TRMT44: variants seen among roughly 807,000 people sequenced by gnomAD.
TRMT44 encodes the protein probable tRNA (uracil-O(2)-)-methyltransferase.
Under a neutral mutation model 77.3 loss-of-function variants are expected in TRMT44, and 78 were observed. The observed-to-expected ratio is 1.01, with a 90% CI of 0.84 to 1.22. The LOEUF (loss-of-function observed/expected upper bound fraction) is 1.22. TRMT44 is among the 50% of genes most tolerant of loss of function. TRMT44 has a pLI of 0.00. For missense variants in TRMT44, 1,090 were observed against 964.4 expected, an observed-to-expected ratio of 1.13 and a Z score of -1.73; for synonymous variants, 391 against 383.3, an observed-to-expected ratio of 1.02 and a Z score of -0.23.
At chr4:8,499,974 A>C in the TRMT44 span, among the ~76,000 whole-genome samples, 1 of 152,218 alleles carries the variant, frequency 6.6e-6, no homozygotes, top group Non-Finnish European at 1.5e-5. Flanking sequence ...CATGCCTGTA[A>C]TCCCATCACT....
chr4:8,496,777 A>AC (rs1553864938), downstream of TRMT44, among the ~76,000 whole-genome samples: 4 of 148,412 alleles, frequency 2.7e-5, no homozygotes. Flanking sequence ...GAGTTCAGTG[A>AC]TTTTTTTTTT....
In TRMT44 at chr4:8,444,552, G is replaced by A. The variant is rs1724946506; in HGVS notation, c.620-1924G>A. On this transcript the variant is annotated intron_variant, in intron 1 of 10. Coordinates refer to ENST00000389737, the MANE Select transcript of TRMT44 (RefSeq NM_152544.3). This position sits in a 1 kb window ranked among gnomAD's most constrained non-coding sequence, Gnocchi z 4.0. ...AGCTGGGATTACAGGCATGTGCCAC[G>A]ACGCCCAGCTAATTTTTGTATTTTT... Among the ~76,000 whole-genome samples the A allele has an allele frequency of 6.6e-6, 1 of 151,960 alleles. No homozygotes were observed. Among genetic ancestry groups the A allele is most frequent in the African/African-American group, 2.4e-5 (1 of 41,344 alleles).
intron 2 of TRMT44, among the ~76,000 whole-genome samples, chr4:8,449,446 A>G (rs889218674): frequency 1.3e-5 from 2 of 152,218 alleles, no homozygotes; most frequent in African/African-American, 4.8e-5. Flanking sequence ...CGCAGTGTGT[A>G]AATATATCCT....
At chr4:8,458,313 A>C (rs1725937872) in intron 6 of TRMT44, among the ~76,000 whole-genome samples, 1 of 152,020 alleles carries the variant, frequency 6.6e-6, no homozygotes, top group East Asian at 1.9e-4. Context: ...TGTCTTCCAC[A>C]CCTGAGACAG....
rs1007983181 is a variant in TRMT44 at position 8,461,629 on chromosome 4, C to T, written c.1204-2356C>T. Among the ~76,000 whole-genome samples the T allele has an allele frequency of 7.2e-5, 11 of 151,968 alleles. No homozygotes were observed. The highest frequency in any genetic ancestry group is 2.2e-4 in the African/African-American group (9 of 41,358). ...ATCTGACCTGGGGAAGACCCTACCC[C>T]GAGCACTTAGTCAGGAAAGGCCTGC... On this transcript the variant is annotated intron_variant, in intron 6 of 10. Transcript: ENST00000389737. The surrounding 1 kb of genome is among the most constrained non-coding windows in gnomAD (Gnocchi z 4.6).
chr4:8,464,031 A>G lies in TRMT44; in HGVS notation c.1250A>G (p.Asp417Gly). Residue 417 changes from aspartate (D) to glycine (G), a missense_variant, in exon 7 of 11, where the codon GAT (aspartate) becomes GGT (glycine). Physicochemically the swap from Asp to Gly is moderately conservative, Grantham distance 94. Transcript: ENST00000389737. ...GATAAGACCCTTTTCCCTGATGTTG[A>G]TTGGTTAATCGGTAACCATTCTGAT... Reference protein sequence around the residue: ...PNDKTLFPDVDWLIGNHSDEL... With the variant: ...PNDKTLFPDVGWLIGNHSDEL... 2 of 1,614,122 alleles carry G rather than the reference A, an allele frequency of 1.2e-6. No homozygotes were observed. Among genetic ancestry groups the G allele is most frequent in the Admixed American group, 3.3e-5 (2 of 60,014 alleles).
At chr4:8,502,859 A>G in the TRMT44 span, among the ~76,000 whole-genome samples, 1 of 152,236 alleles carries the variant, frequency 6.6e-6, no homozygotes, top group Non-Finnish European at 1.5e-5. Context: ...CAGTGCCAGG[A>G]GGTGGGGAAC....
chr4:8,489,927 A>T (rs935539708), intron 2 of TRMT44, among the ~76,000 whole-genome samples: 1 of 152,224 alleles, frequency 6.6e-6, no homozygotes, highest in Non-Finnish European at 1.5e-5. Flanking sequence ...GGTTAAAGAC[A>T]TGCAACTTCC....
intron 2 of TRMT44, among the ~76,000 whole-genome samples, chr4:8,483,401 G>A (rs113014691): frequency 0.023 from 3,473 of 150,006 alleles, 70 homozygotes; most frequent in African/African-American, 0.056. Flanking sequence ...AAGATAGTAG[G>A]GTTGACAAGT....
the TRMT44 span, among the ~76,000 whole-genome samples, chr4:8,508,259 C>T: frequency 6.6e-6 from 1 of 152,192 alleles, no homozygotes; most frequent in South Asian, 2.1e-4. Flanking sequence ...CCTGAGGCAG[C>T]CCCTGGGCAA....
chr4:8,441,516 T>C, intron 1 of TRMT44, 75 bp downstream of exon 1: 1 of 1,422,070 alleles, frequency 7.0e-7, no homozygotes, highest in East Asian at 2.5e-5. Flanking sequence ...AATGAAAAAG[T>C]CCTAAGGGTA....
chr4:8,484,195 G>A (rs1727731096), intron 2 of TRMT44, among the ~76,000 whole-genome samples: 1 of 152,140 alleles, frequency 6.6e-6, no homozygotes, highest in Admixed American at 6.5e-5. Context: ...CAGAGAAGAA[G>A]GAAATGTGGG....
chr4:8,469,068 C>A (rs1366204794), intron 9 of TRMT44, among the ~76,000 whole-genome samples: 1 of 152,226 alleles, frequency 6.6e-6, no homozygotes, highest in Admixed American at 6.5e-5. Flanking sequence ...TTGAGGGAAA[C>A]CCTTCTTCTC....
At chr4:8,465,961 A>G (rs1383037122) in intron 8 of TRMT44, among the ~76,000 whole-genome samples, 1 of 152,040 alleles carries the variant, frequency 6.6e-6, no homozygotes, top group Non-Finnish European at 1.5e-5. Context: ...GTGATTTCCC[A>G]TTTTCTCATT....
At chr4:8,448,963 A>G (rs1725245728) in intron 2 of TRMT44, among the ~76,000 whole-genome samples, 2 of 152,344 alleles carry the variant, frequency 1.3e-5, no homozygotes, top group Non-Finnish European at 2.9e-5. Flanking sequence ...CTGCCCAGCA[A>G]ACTTAATGCC....
At chr4:8,448,811 C>G (rs1242041665) in intron 2 of TRMT44, among the ~76,000 whole-genome samples, 1 of 152,216 alleles carries the variant, frequency 6.6e-6, no homozygotes, top group Non-Finnish European at 1.5e-5. Context: ...TGCCATTGTC[C>G]CCTCCAGTGG....
chr4:8,498,042 AC>A (rs1323845195), downstream of TRMT44, among the ~76,000 whole-genome samples: 1 of 152,096 alleles, frequency 6.6e-6, no homozygotes, highest in Non-Finnish European at 1.5e-5. This position sits in a 1 kb window ranked among gnomAD's most constrained non-coding sequence, Gnocchi z 4.3. Context: ...GTGGACTCCC[AC>A]CCACTCCAGT....
In TRMT44 at chr4:8,449,832, A is replaced by T. The variant is rs73211375; in HGVS notation, c.898A>T (p.Met300Leu). ...FKSTLSLISIMKYSKAYQELK... is the reference protein window; with the variant it reads ...FKSTLSLISILKYSKAYQELK... ...AAGCACCCTTTCCCTCATCTCCATT[A>T]TGAAGTATAGCAAGGCTTACCAGGA... The change falls in exon 3 of 11, where the codon ATG becomes TTG. Residue 300 changes from methionine to leucine, a missense_variant. Coordinates refer to ENST00000389737, the MANE Select transcript of TRMT44 (RefSeq NM_152544.3). 19,463 of 1,535,672 alleles carry T rather than the reference A, an allele frequency of 0.013. 235 individuals are homozygous for T. The highest frequency in any genetic ancestry group is 0.04 in the South Asian group (3,335 of 84,032).
At chr4:8,498,728 G>A in the TRMT44 span, among the ~76,000 whole-genome samples, 1 of 152,156 alleles carries the variant, frequency 6.6e-6, no homozygotes, top group African/African-American at 2.4e-5. This position sits in a 1 kb window ranked among gnomAD's most constrained non-coding sequence, Gnocchi z 4.3. Flanking sequence ...GTGTTAGCTT[G>A]GGCCACAGGT....
Sources: allele counts gnomAD v4.1 joint callset (sites outside exome capture counted in the v4.1 genomes callset), GRCh38; gene constraint gnomAD v4.1.1; non-coding constraint Gnocchi (gnomAD v3.1); transcripts MANE v1.5; gene names NCBI Gene and HGNC (gene_info 2026-07-23, HGNC 2026-07-21).